Variants in TGFBR2 observed in about 807,000 individuals in gnomAD.
The protein encoded by TGFBR2 is TGF-beta receptor type-2.
TGFBR2 carries 18 observed loss-of-function variants against 49.0 expected under a neutral mutation model. That is an observed-to-expected ratio of 0.37 (90% CI 0.25 to 0.54). The LOEUF (loss-of-function observed/expected upper bound fraction) is 0.54. Among genes scored for constraint, TGFBR2 ranks in the 20% least tolerant of loss-of-function variants. The pLI, the probability that TGFBR2 is intolerant of heterozygous loss-of-function variation, is 0.85. For missense variants in TGFBR2, 525 were observed against 722.6 expected, an observed-to-expected ratio of 0.73 and a Z score of 3.13; for synonymous variants, 282 against 275.9, an observed-to-expected ratio of 1.02 and a Z score of -0.22.
rs193922662 is a variant in TGFBR2 at position 30,672,346 on chromosome 3, A to G, written c.1163A>G (p.Lys388Arg). 6.2e-7 allele frequency: 1 copy of G among 1,613,916 alleles called. No homozygotes were observed. The highest frequency in any genetic ancestry group is 8.5e-7 in the Non-Finnish European group (1 of 1,179,886). ...RDLKSSNILVKNDLTCCLCDF... is the reference protein window; with the variant it reads ...RDLKSSNILVRNDLTCCLCDF... ...CTCAAGAGCTCCAATATCCTCGTGA[A>G]GAACGACCTAACCTGCTGCCTGTGT... Residue 388 changes from lysine (K) to arginine (R), a missense_variant, in exon 4 of 7, where the codon AAG becomes AGG. This residue lies in a region of TGFBR2 where 45 missense variants were observed against 111.0 expected (regional missense o/e 0.41). Coordinates refer to ENST00000295754, the MANE Select transcript of TGFBR2 (RefSeq NM_003242.6). The surrounding 1 kb of genome is among the most constrained non-coding windows in gnomAD (Gnocchi z 4.5).
chr3:30,616,027 G>A (rs1575130281), intron 1 of TGFBR2, among the ~76,000 whole-genome samples: 1 of 152,102 alleles, frequency 6.6e-6, no homozygotes, highest in African/African-American at 2.4e-5. Context: ...ACAGGTGTAA[G>A]CCACTGCACC....
intron 1 of TGFBR2, among the ~76,000 whole-genome samples, chr3:30,624,184 A>G (rs1348891882): frequency 6.6e-6 from 1 of 152,026 alleles, no homozygotes; most frequent in Non-Finnish European, 1.5e-5. Flanking sequence ...AGAACAGAAC[A>G]AGAAGTGTTT....
intron 3 of TGFBR2, among the ~76,000 whole-genome samples, chr3:30,654,052 T>C (rs1559460416): frequency 6.6e-6 from 1 of 152,264 alleles, no homozygotes; most frequent in Non-Finnish European, 1.5e-5. Flanking sequence ...CCTTTTTTAA[T>C]TCTTTCCTTT....
intron 3 of TGFBR2, among the ~76,000 whole-genome samples, chr3:30,664,176 G>T (rs973459587): frequency 1.3e-5 from 2 of 151,058 alleles, no homozygotes; most frequent in African/African-American, 4.9e-5. Context: ...TACAGACAGG[G>T]TCTCAATATA....
At chr3:30,681,113 A>G (rs1182110610) in intron 5 of TGFBR2, among the ~76,000 whole-genome samples, 2 of 150,224 alleles carry the variant, frequency 1.3e-5, no homozygotes, top group Non-Finnish European at 3.0e-5. Flanking sequence ...CACAACTCCA[A>G]GAAGGGCTCC....
chr3:30,677,050 C>T (rs757499598), intron 5 of TGFBR2, among the ~76,000 whole-genome samples: 1 of 152,132 alleles, frequency 6.6e-6, no homozygotes, highest in Non-Finnish European at 1.5e-5. Context: ...AGTATCATTC[C>T]CTATCCTTTC....
chr3:30,680,299 T>C (rs1032922428), intron 5 of TGFBR2, among the ~76,000 whole-genome samples: 6 of 152,224 alleles, frequency 3.9e-5, no homozygotes, highest in African/African-American at 1.4e-4. Context: ...GGTGAATCCC[T>C]GTTAACAGAA....
At chr3:30,669,832 A>C (rs557958493) in intron 3 of TGFBR2, among the ~76,000 whole-genome samples, 2 of 152,320 alleles carry the variant, frequency 1.3e-5, no homozygotes, top group East Asian at 3.9e-4. Flanking sequence ...TTCATTAAAA[A>C]GAAACACCTT....
intron 1 of TGFBR2, among the ~76,000 whole-genome samples, chr3:30,639,871 AC>A (rs1294222564): frequency 6.6e-6 from 1 of 152,214 alleles, no homozygotes; most frequent in Admixed American, 6.5e-5. Flanking sequence ...TTATTGTTAA[AC>A]CTTGAGATTT....
At chr3:30,609,774 A>T (rs1188100709) in intron 1 of TGFBR2, among the ~76,000 whole-genome samples, 1 of 152,240 alleles carries the variant, frequency 6.6e-6, no homozygotes, top group Non-Finnish European at 1.5e-5. Flanking sequence ...GTAAGAGACT[A>T]GACATCATTA....
intron 1 of TGFBR2, among the ~76,000 whole-genome samples, chr3:30,608,980 T>A (rs1575127117): frequency 2.0e-5 from 3 of 152,350 alleles, no homozygotes; most frequent in Admixed American, 2.0e-4. Context: ...AGGTTCTGTT[T>A]ACAAGGATAA....
intron 1 of TGFBR2, among the ~76,000 whole-genome samples, chr3:30,627,180 A>T (rs1312823445): frequency 6.6e-6 from 1 of 152,188 alleles, no homozygotes; most frequent in African/African-American, 2.4e-5. Context: ...CGTTCCGCAC[A>T]CAGTAGCCTA....
intron 5 of TGFBR2, among the ~76,000 whole-genome samples, chr3:30,675,666 T>C (rs1699426610): frequency 6.6e-6 from 1 of 152,236 alleles, no homozygotes; most frequent in South Asian, 2.1e-4. Flanking sequence ...ATTACAGGCG[T>C]GAGCCACTGC....
chr3:30,633,651 T>C (rs956172434), intron 1 of TGFBR2, among the ~76,000 whole-genome samples: 1 of 152,186 alleles, frequency 6.6e-6, no homozygotes, highest in Non-Finnish European at 1.5e-5. Context: ...GAGGAGCATC[T>C]CAGCTCACAG....
intron 1 of TGFBR2, among the ~76,000 whole-genome samples, chr3:30,629,456 G>T (rs1308162182): frequency 6.6e-6 from 1 of 152,176 alleles, no homozygotes; most frequent in African/African-American, 2.4e-5. Flanking sequence ...AGTTAGACAG[G>T]CTAGGCCTTG....
intron 3 of TGFBR2, among the ~76,000 whole-genome samples, chr3:30,666,734 CAAGTAAAGT>C (rs1699251894): frequency 6.6e-6 from 1 of 150,834 alleles, no homozygotes; most frequent in Admixed American, 6.6e-5. Flanking sequence ...ACTCCTGCCT[CAAGTAAAGT>C]AATCCTCCTG....
Position 30,644,861 on chromosome 3 carries a change from A to G in TGFBR2, c.209A>G (p.Asn70Ser), listed in dbSNP as rs1698702062. ...TCDNQKSCMS[N>S]CSITSICEKP... ...GACAACCAGAAATCCTGCATGAGCA[A>G]CTGCAGCATCACCTCCATCTGTGAG... The change falls in exon 2 of 7, where the codon AAC (asparagine) becomes AGC (serine). Residue 70 changes from asparagine to serine, a missense_variant. Asn to Ser is a conservative substitution (Grantham distance 46). Coordinates refer to ENST00000295754, the MANE Select transcript of TGFBR2 (RefSeq NM_003242.6). The G allele has an allele frequency of 6.2e-7, 1 of 1,614,152 alleles. No individual in the cohort carries two copies. Among genetic ancestry groups the G allele is most frequent in the East Asian group, 2.2e-5 (1 of 44,880 alleles).
chr3:30,669,675 CAA>C (rs1699305272), intron 3 of TGFBR2, among the ~76,000 whole-genome samples: 1 of 152,174 alleles, frequency 6.6e-6, no homozygotes, highest in Non-Finnish European at 1.5e-5. Flanking sequence ...ACATGGCTGA[CAA>C]AGAGAAGGGA....
intron 3 of TGFBR2, among the ~76,000 whole-genome samples, chr3:30,661,034 G>A (rs1355848058): frequency 6.6e-6 from 1 of 152,212 alleles, no homozygotes; most frequent in African/African-American, 2.4e-5. Context: ...CTTTTCCAAA[G>A]CGATCTGGTC....
Sources: gnomAD v4.1 joint callset for allele counts (sites outside exome capture counted in the v4.1 genomes callset) on GRCh38, gnomAD v4.1.1 for gene constraint, gnomAD v4.1.1 regional missense constraint, Gnocchi (gnomAD v3.1) non-coding constraint, MANE v1.5 for transcripts, NCBI Gene and HGNC (gene_info 2026-07-23, HGNC 2026-07-21) for gene names.